The following PCDHGB4 variants were observed in gnomAD, a reference collection of about 807,000 sequenced individuals.
The protein encoded by PCDHGB4 is protocadherin gamma-B4.
In PCDHGB4, 38 loss-of-function variants were observed where a neutral mutation model predicts 60.5. The ratio of observed to expected loss-of-function variants is 0.63; its 90% confidence interval spans 0.48 to 0.82. PCDHGB4 has a LOEUF of 0.82. Among genes scored for constraint, PCDHGB4 ranks in the 40% least tolerant of loss-of-function variants. PCDHGB4 has a pLI of 0.00. For missense variants in PCDHGB4, 1,109 were observed against 1,209.6 expected (o/e 0.92, Z 1.23); for synonymous variants, 456 against 509.7 (o/e 0.89, Z 1.42).
In PCDHGB4 at chr5:141,389,681, C is replaced by G; in HGVS notation, c.1797C>G (p.Asn599Lys). The change falls in exon 1 of 4, where the codon AAC becomes AAG. Residue 599 changes from asparagine to lysine, a missense_variant. Around this residue, in one of 2 missense-constraint regions of PCDHGB4, gnomAD observed 1,068 missense variants for 1,089.9 expected, o/e 0.98. Coordinates refer to ENST00000519479, the MANE Select transcript of PCDHGB4 (RefSeq NM_003736.4). ...CGGTGGACGCAGACTCAGGACACAACGCCTGGCTGTCCTACCACGTGCTGC... is the reference window on the plus strand; with the variant it reads ...CGGTGGACGCAGACTCAGGACACAAGGCCTGGCTGTCCTACCACGTGCTGC... ...VVAVDADSGH[N>K]AWLSYHVLQA... is the part of the protein sequence containing the mutation. 3.1e-6 allele frequency: 5 copies of G among 1,612,438 alleles called. No individual in the cohort carries two copies. The highest frequency in any genetic ancestry group is 4.2e-6 in the Non-Finnish European group (5 of 1,179,816).
chr5:141,432,649 A>C lies in PCDHGB4; in HGVS notation c.2397+42368A>C, dbSNP rs769351399. The C allele has an allele frequency of 5.6e-6, 9 of 1,613,742 alleles. No individual in the cohort carries two copies. The highest frequency in any genetic ancestry group is 6.8e-6 in the Non-Finnish European group (8 of 1,179,918). ...ACACGGGCGAGGTGCGCACGGCGCG[A>C]GCCCTGCTGGACAGAGACGCGCTCA... is the stretch of plus-strand genomic sequence containing the variant. On this transcript the variant is annotated intron_variant, in intron 1 of 3. Transcript: ENST00000519479. This position sits in a 1 kb window ranked among gnomAD's most constrained non-coding sequence, Gnocchi z 6.0.
In PCDHGB4 at chr5:141,389,412, G is replaced by A. The variant is rs1039259671; in HGVS notation, c.1528G>A (p.Gly510Arg). 5 of 1,613,588 alleles carry A rather than the reference G, an allele frequency of 3.1e-6. No individual in the cohort carries two copies. Among genetic ancestry groups the A allele is most frequent in the Admixed American group, 3.3e-5 (2 of 60,038 alleles). The change falls in exon 1 of 4, where the codon GGG becomes AGG. Residue 510 changes from glycine (G) to arginine (R), a missense_variant. Gly to Arg is a moderately radical substitution (Grantham distance 125). Transcript: ENST00000519479. ...SSYVSISAES[G>R]VVFAQRAFDH... ...CTACGTGTCCATAAGCGCGGAGAGC[G>A]GGGTGGTGTTCGCGCAGCGCGCCTT...
Position 141,493,957 on chromosome 5 carries a change from G to A in PCDHGB4, c.2398-850G>A, listed in dbSNP as rs1360777586. 6.6e-6 allele frequency among the ~76,000 whole-genome samples: 1 copy of A among 152,228 alleles called. No individual in the cohort carries two copies. The highest frequency in any genetic ancestry group is 2.4e-5 in the African/African-American group (1 of 41,458). On this transcript the variant is annotated intron_variant, in intron 1 of 3. Coordinates refer to ENST00000519479, the MANE Select transcript of PCDHGB4 (RefSeq NM_003736.4). This position sits in a 1 kb window ranked among gnomAD's most constrained non-coding sequence, Gnocchi z 4.3. ...AGACCAGAAGGGACTCAGGAATGAA[G>A]TGGCTGGCCAGAGCCCCACACCTTC... is the stretch of plus-strand genomic sequence containing the variant.
rs573785314 is a variant in PCDHGB4 at position 141,435,382 on chromosome 5, C to T, written c.2397+45101C>T. 2.0e-5 allele frequency among the ~76,000 whole-genome samples: 3 copies of T among 152,034 alleles called. No homozygotes were observed. In the East Asian group the frequency reaches 5.8e-4, roughly 29 times the overall value. ...TTTATCACTTAAATATACAATATAC[C>T]GTATTGCCATGACGAAAAATGGTAA... On this transcript the variant is annotated intron_variant, in intron 1 of 3. Transcript: ENST00000519479.
chr5:141,486,498 T>C lies in PCDHGB4; in HGVS notation c.2398-8309T>C, dbSNP rs755907391. On this transcript the variant is annotated intron_variant, in intron 1 of 3. Coordinates refer to ENST00000519479, the MANE Select transcript of PCDHGB4 (RefSeq NM_003736.4). The surrounding 1 kb of genome is among the most constrained non-coding windows in gnomAD (Gnocchi z 5.0). The stretch of plus-strand genomic sequence containing the variant: ...CCTCTCAGTACCCACAGAACTATTT[T>C]CCTCAATATTTCAGATGTGAATGAT... 6.2e-7 allele frequency: 1 copy of C among 1,614,030 alleles called. No individual in the cohort carries two copies. The highest frequency in any genetic ancestry group is 8.5e-7 in the Non-Finnish European group (1 of 1,179,874).
Position 141,432,075 on chromosome 5 carries a change from C to T in PCDHGB4, c.2397+41794C>T. On this transcript the variant is annotated intron_variant, in intron 1 of 3. Transcript: ENST00000519479. The surrounding 1 kb of genome is among the most constrained non-coding windows in gnomAD (Gnocchi z 6.0). ...CCCCTATCCACGGAAACTCATATCT[C>T]GCTGAACGTGGCAGACACCAACGAC... 3 of 1,614,204 alleles carry T rather than the reference C, an allele frequency of 1.9e-6. No homozygotes were observed. Among genetic ancestry groups the T allele is most frequent in the Non-Finnish European group, 2.5e-6 (3 of 1,180,046 alleles).
intron 3 of PCDHGB4, 87 bp from the exon 4 acceptor site, chr5:141,510,854 TGTATAG>T: frequency 6.2e-7 from 1 of 1,602,320 alleles, no homozygotes; most frequent in Non-Finnish European, 8.5e-7. Flanking sequence ...CCCAGGGTGC[TGTATAG>T]GCATTCATTA....
chr5:141,496,523 G>T (rs1159517569), intron 2 of PCDHGB4, among the ~76,000 whole-genome samples: 1 of 152,128 alleles, frequency 6.6e-6, no homozygotes, highest in Non-Finnish European at 1.5e-5. Context: ...GGAGCCCTTG[G>T]TGTATGGCAG....
intron 1 of PCDHGB4, among the ~76,000 whole-genome samples, chr5:141,449,673 G>A (rs7725811): frequency 0.049 from 7,346 of 150,528 alleles, 281 homozygotes; most frequent in African/African-American, 0.1. Flanking sequence ...AAGTGTGTAT[G>A]TATATATGTT....
chr5:141,483,756 G>C (rs11739909), intron 1 of PCDHGB4, among the ~76,000 whole-genome samples: 24,641 of 152,020 alleles, frequency 0.16, 2,128 homozygotes, highest in African/African-American at 0.22. Context: ...GAGGATCGAG[G>C]CTTGGAAAAA....
chr5:141,419,007 GGT>G (rs1181124538), intron 1 of PCDHGB4: 1 of 1,613,978 alleles, frequency 6.2e-7, no homozygotes, highest in South Asian at 1.1e-5. Flanking sequence ...GGGGAAGTCA[GGT>G]GTAGCTTAAG....
In PCDHGB4 at chr5:141,418,448, C is replaced by T. The variant is rs1240295197; in HGVS notation, c.2397+28167C>T. On this transcript the variant is annotated intron_variant, in intron 1 of 3. Transcript: ENST00000519479. ...TGGCAAATATCCAGAATTAGTATTG[C>T]AGAAGACTCTGGACCGAGAAACGCA... 1.9e-6 allele frequency: 3 copies of T among 1,613,850 alleles called. No homozygotes were observed. The African/African-American group carries it at 4.0e-5, about 22-fold the overall frequency.
intron 1 of PCDHGB4, chr5:141,394,620 T>A: frequency 6.2e-7 from 1 of 1,613,124 alleles, no homozygotes; most frequent in Non-Finnish European, 8.5e-7. Context: ...CCAGAACGCC[T>A]GGCTGTCCTA....
At position 141,497,209 on chromosome 5, in the gene PCDHGB4, T is replaced by TG. The variant is rs11343387; in HGVS notation, c.2456+2353dup. On this transcript the variant is annotated intron_variant, in intron 2 of 3. Coordinates refer to ENST00000519479, the MANE Select transcript of PCDHGB4 (RefSeq NM_003736.4). ...GAGGCAGAGAACAATGTGAGTGTAA[T>TG]GGGGGGGGGAAGATCAGAGAAGGCT... Among the ~76,000 whole-genome samples the TG allele has an allele frequency of 1.3e-3, 196 of 151,342 alleles. 1 individual carries two copies. The South Asian group carries it at 0.02, about 15-fold the overall frequency.
Position 141,505,475 on chromosome 5 carries a change from G to A in PCDHGB4, c.2539G>A (p.Ala847Thr), listed in dbSNP as rs769108315. The A allele has an allele frequency of 2.2e-5, 35 of 1,614,098 alleles. No homozygotes were observed. Among genetic ancestry groups the A allele is most frequent in the South Asian group, 5.5e-5 (5 of 91,090 alleles). ...GCTGCAAGCCATGATCTTGGCGTCC[G>A]CCAGTGGTAAGTGGTGTCAGTGTGT... ...EMLQAMILAS[A>T]SEAADGSSTL... The change falls in exon 3 of 4, where the codon GCC becomes ACC. Residue 847 changes from alanine to threonine, a missense_variant. Physicochemically the swap from Ala to Thr is moderately conservative, Grantham distance 58. Transcript: ENST00000519479.
rs866710706 is a variant in PCDHGB4, at chr5:141,485,167, G to A, written c.2398-9640G>A. On this transcript the variant is annotated intron_variant, in intron 1 of 3. Transcript: ENST00000519479. The surrounding 1 kb of genome is among the most constrained non-coding windows in gnomAD (Gnocchi z 5.7). ...AGGAGCAAGTAGAGAATTAGCGGGC[G>A]GCAGCAATGCTCCGCAAGGTGAGAA... The A allele has an allele frequency of 6.2e-7, 1 of 1,608,386 alleles. No homozygotes were observed.
chr5:141,498,848 G>A (rs930895553), intron 2 of PCDHGB4, among the ~76,000 whole-genome samples: 3 of 151,908 alleles, frequency 2.0e-5, no homozygotes, highest in Non-Finnish European at 4.4e-5. Context: ...CAGGGGAATC[G>A]CTTGAACCCA....
chr5:141,473,374 G>A (rs1437989884), intron 1 of PCDHGB4, among the ~76,000 whole-genome samples: 1 of 152,204 alleles, frequency 6.6e-6, no homozygotes, highest in African/African-American at 2.4e-5. Context: ...AAATAGCATG[G>A]TCCCTGCCCT....
rs755457564 is a variant in PCDHGB4, at chr5:141,394,423, G to A, written c.2397+4142G>A. The stretch of plus-strand genomic sequence containing the variant: ...CAGCTACTGGTAACAGCCAGCGACA[G>A]CGGGGACCCGCCCCTCAGCAGCAAC... On this transcript the variant is annotated intron_variant, in intron 1 of 3. Coordinates refer to ENST00000519479, the MANE Select transcript of PCDHGB4 (RefSeq NM_003736.4). 2.5e-6 allele frequency: 4 copies of A among 1,614,248 alleles called. No homozygotes were observed. The Admixed American group carries it at 6.7e-5, about 27-fold the overall frequency.
Sources: allele counts gnomAD v4.1 joint callset (sites outside exome capture counted in the v4.1 genomes callset), GRCh38; gene constraint gnomAD v4.1.1; regional missense constraint gnomAD v4.1.1; non-coding constraint Gnocchi (gnomAD v3.1); transcripts MANE v1.5; gene names NCBI Gene and HGNC (gene_info 2026-07-23, HGNC 2026-07-21).